MELK: variants seen among roughly 807,000 people sequenced by gnomAD.
MELK encodes pEg3 kinase.
Under a neutral mutation model 85.0 loss-of-function variants are expected in MELK, and 81 were observed. The ratio of observed to expected loss-of-function variants is 0.95; its 90% CI spans 0.80 to 1.15. MELK has a LOEUF of 1.15. Ranked by LOEUF, MELK falls within the 50% of genes most tolerant of loss-of-function variation. The probability of loss-of-function intolerance (pLI) is 0.00; values close to 1 mark genes in which losing one functional copy is unlikely to be tolerated. For synonymous variants in MELK, 252 were observed against 265.0 expected (o/e 0.95, Z 0.48); for missense variants, 754 against 777.5 (o/e 0.97, Z 0.36).
intron 14 of MELK, among the ~76,000 whole-genome samples, chr9:36,666,489 A>G (rs1832346186): frequency 6.6e-6 from 1 of 152,194 alleles, no homozygotes; most frequent in South Asian, 2.1e-4. Flanking sequence ...GCCCAAAGGA[A>G]TTTTATTTAC....
At chr9:36,668,031 A>C (rs1238266786) in intron 14 of MELK, among the ~76,000 whole-genome samples, 1 of 152,142 alleles carries the variant, frequency 6.6e-6, no homozygotes, top group Non-Finnish European at 1.5e-5. Flanking sequence ...CGGCCTCCCA[A>C]AGTGCTGGGA....
intron 4 of MELK, among the ~76,000 whole-genome samples, chr9:36,594,268 CTTT>C (rs1375957208): frequency 3.3e-5 from 5 of 152,080 alleles, no homozygotes; most frequent in Non-Finnish European, 7.3e-5. Flanking sequence ...TTACTGCTGG[CTTT>C]TTAAATTTCA....
chr9:36,668,662 G>A (rs557074904), intron 14 of MELK, among the ~76,000 whole-genome samples: 11 of 152,120 alleles, frequency 7.2e-5, no homozygotes, highest in South Asian at 4.2e-4. Context: ...ACAGGCGTGC[G>A]CCACCACGCC....
At position 36,630,353 on chromosome 9, in the gene MELK, CA is replaced by C. The variant is rs1373258499; in HGVS notation, c.723del (p.Gln241HisfsTer14). ...WLSPSSILLL[Q>X]QMLQVDPKKR... is the part of the protein sequence containing the mutation. The stretch of plus-strand genomic sequence containing the variant: ...CTCTCCCAGTAGCATTCTGCTTCTT[CA>C]ACAAATGCTGCAGGTAAACTTTATT... On this transcript the variant is annotated frameshift_variant, in exon 9 of 18. Transcript: ENST00000298048. LOFTEE classifies it high-confidence loss of function. The C allele has an allele frequency of 1.2e-6, 2 of 1,608,932 alleles. No individual in the cohort carries two copies. Among genetic ancestry groups the C allele is most frequent in the Non-Finnish European group, 1.7e-6 (2 of 1,176,528 alleles).
At chr9:36,618,616 C>T (rs1443817662) in intron 8 of MELK, among the ~76,000 whole-genome samples, 1 of 152,088 alleles carries the variant, frequency 6.6e-6, no homozygotes, top group Non-Finnish European at 1.5e-5. Context: ...GTAGAAGTGT[C>T]AGCTCCATTA....
At chr9:36,665,036 C>T (rs757035307) in intron 13 of MELK, among the ~76,000 whole-genome samples, 1 of 152,040 alleles carries the variant, frequency 6.6e-6, no homozygotes, top group African/African-American at 2.4e-5. Flanking sequence ...AGAGGCAAGC[C>T]GTGACTATCT....
chr9:36,623,351 G>T (rs1827621423), intron 8 of MELK, among the ~76,000 whole-genome samples: 1 of 152,210 alleles, frequency 6.6e-6, no homozygotes, highest in African/African-American at 2.4e-5. Flanking sequence ...ATGTACAAGT[G>T]TTTTGCGCAT....
intron 13 of MELK, among the ~76,000 whole-genome samples, chr9:36,659,524 G>C (rs1408699762): frequency 6.6e-6 from 1 of 152,200 alleles, no homozygotes; most frequent in Non-Finnish European, 1.5e-5. Flanking sequence ...CTGCATTTAT[G>C]ATGGTGGTCC....
intron 8 of MELK, among the ~76,000 whole-genome samples, chr9:36,618,065 G>A (rs578078481): frequency 6.8e-4 from 104 of 151,886 alleles, no homozygotes; most frequent in African/African-American, 2.4e-3. Flanking sequence ...GGAGTTCAAC[G>A]CTGCAGTGAG....
At chr9:36,608,895 T>C (rs920329705) in intron 8 of MELK, among the ~76,000 whole-genome samples, 1 of 152,212 alleles carries the variant, frequency 6.6e-6, no homozygotes, top group Admixed American at 6.5e-5. Flanking sequence ...ATATATAAAC[T>C]TCTATACATA....
rs534379133 is a variant in MELK at position 36,616,212 on chromosome 9, A to T, written c.666+8539A>T. On this transcript the variant is annotated intron_variant, in intron 8 of 17. Transcript: ENST00000298048. ...ATTGACCCTTTGTATATACAGGTCT[A>T]TGAATTCTAACACATATATAGATTC... Among the ~76,000 whole-genome samples the T allele has an allele frequency of 4.1e-4, 63 of 152,322 alleles. 1 individual carries two copies. The highest frequency in any genetic ancestry group is 7.2e-4 in the Non-Finnish European group (49 of 68,026).
chr9:36,643,079 C>T lies in MELK; in HGVS notation c.917C>T (p.Ser306Leu), dbSNP rs761052927. The change falls in exon 11 of 18, where the codon TCA becomes TTA. Residue 306 changes from serine (S) to leucine (L), a missense_variant. Transcript: ENST00000298048. ...NNRQTMEDLI[S>L]LWQYDHLTAT... ...AGGCAAACAATGGAGGATTTAATTT[C>T]ACTGGTAAGAAATACAGCATGGGCT... is the stretch of plus-strand genomic sequence containing the variant. 2 of 1,611,548 alleles carry T rather than the reference C, an allele frequency of 1.2e-6. No homozygotes were observed.
rs547360969 is a variant in MELK, at chr9:36,637,968, C to A, written c.834+4768C>A. Among the ~76,000 whole-genome samples, 104 of 152,260 alleles carry A rather than the reference C, an allele frequency of 6.8e-4. No individual in the cohort carries two copies. The South Asian group carries it at 9.1e-3, about 13-fold the overall frequency. The stretch of plus-strand genomic sequence containing the variant: ...AAGATCCTAAGAAAAGCAGAATGTG[C>A]AAGTGTCTGAGCAGTGTAGCAGCAG... On this transcript the variant is annotated intron_variant, in intron 10 of 17. Transcript: ENST00000298048.
At chr9:36,594,370 A>G (rs1004733013) in intron 4 of MELK, among the ~76,000 whole-genome samples, 2 of 152,200 alleles carry the variant, frequency 1.3e-5, no homozygotes, top group Non-Finnish European at 2.9e-5. Context: ...GAGCTTTTTA[A>G]AATCACAGTG....
intron 3 of MELK, among the ~76,000 whole-genome samples, chr9:36,584,759 C>T (rs1822699262): frequency 6.8e-6 from 1 of 146,670 alleles, no homozygotes; most frequent in Admixed American, 6.8e-5. Flanking sequence ...ACTTTGTTGC[C>T]CAGGCTGGAG....
intron 8 of MELK, among the ~76,000 whole-genome samples, chr9:36,624,341 TAG>T (rs1827742891): frequency 6.6e-6 from 1 of 152,092 alleles, no homozygotes; most frequent in Admixed American, 6.6e-5. Context: ...TAGTAAGAGG[TAG>T]ATCCTGGATT....
chr9:36,655,086 T>A (rs529788274), intron 12 of MELK, among the ~76,000 whole-genome samples: 4 of 152,324 alleles, frequency 2.6e-5, no homozygotes, highest in Admixed American at 1.3e-4. Context: ...AATAACCACG[T>A]CATCATCATC....
intron 3 of MELK, among the ~76,000 whole-genome samples, chr9:36,583,996 TTTTC>T (rs1159211763): frequency 2.0e-5 from 3 of 152,162 alleles, no homozygotes; most frequent in South Asian, 2.1e-4. Flanking sequence ...CTTTCTTTTC[TTTTC>T]TTTATTATTT....
At chr9:36,643,730 C>A (rs1245392360) in intron 11 of MELK, among the ~76,000 whole-genome samples, 1 of 151,962 alleles carries the variant, frequency 6.6e-6, no homozygotes, top group Non-Finnish European at 1.5e-5. Flanking sequence ...GTCAGGAGAT[C>A]GAGACCATCC....
Sources: gnomAD v4.1 joint callset for allele counts (sites outside exome capture counted in the v4.1 genomes callset) on GRCh38, gnomAD v4.1.1 for gene constraint, MANE v1.5 for transcripts, NCBI Gene and HGNC (gene_info 2026-07-23, HGNC 2026-07-21) for gene names.